The following SORBS3 variants were observed in gnomAD, a reference collection of about 807,000 sequenced individuals.
SORBS3 encodes sorbin and SH3 domain containing 3.
Under a neutral mutation model 98.0 loss-of-function variants are expected in SORBS3, and 69 were observed. The ratio of observed to expected loss-of-function variants is 0.70; its 90% CI spans 0.58 to 0.86. SORBS3 has a LOEUF of 0.86. Ranked by LOEUF, SORBS3 falls within the 40% of genes least tolerant of loss-of-function variation. The pLI, the probability that SORBS3 is intolerant of heterozygous loss-of-function variation, is 0.00. For synonymous variants in SORBS3, 394 were observed against 355.4 expected, an observed-to-expected ratio of 1.11 and a Z score of -1.22; for missense variants, 954 against 908.5, an observed-to-expected ratio of 1.05 and a Z score of -0.64.
intron 5 of SORBS3, chr8:22,560,875 G>GCGCA (rs1554548915): frequency 2.2e-5 from 1 of 46,282 alleles, no homozygotes; most frequent in Admixed American, 2.8e-4. Context: ...GTGTGTGTGC[G>GCGCA]CGCGCGCACG....
At chr8:22,574,560 G>T in intron 20 of SORBS3, 107 bp from the exon 21 acceptor site, 1 of 1,102,382 alleles carries the variant, frequency 9.1e-7, no homozygotes, top group Non-Finnish European at 1.3e-6. Context: ...CTCCCCTACA[G>T]AACTCCCCTA....
At chr8:22,546,987 G>T (rs1213397089), upstream of SORBS3, among the ~76,000 whole-genome samples, 1 of 152,162 alleles carries the variant, frequency 6.6e-6, no homozygotes, top group Non-Finnish European at 1.5e-5. Context: ...ATCCAGCACT[G>T]CCAGGTCCAA....
At chr8:22,569,660 AG>A (rs1840520308) in intron 17 of SORBS3, among the ~76,000 whole-genome samples, 1 of 152,174 alleles carries the variant, frequency 6.6e-6, no homozygotes, top group Non-Finnish European at 1.5e-5. Flanking sequence ...TTTAAAAAAG[AG>A]TCCGATGTAC....
chr8:22,554,972 A>G lies in SORBS3; in HGVS notation c.212A>G (p.Gln71Arg). Residue 71 changes from glutamine (Q) to arginine (R), a missense_variant, in exon 3 of 21, where the codon CAG becomes CGG. Coordinates refer to ENST00000240123, the MANE Select transcript of SORBS3 (RefSeq NM_005775.5). The surrounding 1 kb of genome is among the most constrained non-coding windows in gnomAD (Gnocchi z 6.5). ...GGYTPRRDASQHPDPAWYQTW... is the reference protein window; with the variant it reads ...GGYTPRRDASRHPDPAWYQTW... ...TACACACCAAGACGAGATGCTTCCCAGCACCCGGGTAGGTCTGCTCAGGAG... is the reference window on the plus strand; with the variant it reads ...TACACACCAAGACGAGATGCTTCCCGGCACCCGGGTAGGTCTGCTCAGGAG... The G allele has an allele frequency of 6.2e-7, 1 of 1,613,246 alleles. No individual in the cohort carries two copies. The highest frequency in any genetic ancestry group is 1.1e-5 in the South Asian group (1 of 91,068).
chr8:22,563,447 G>GA (rs890470973), intron 7 of SORBS3, among the ~76,000 whole-genome samples: 2 of 19,952 alleles, frequency 1.0e-4, no homozygotes, highest in Admixed American at 9.8e-4. Flanking sequence ...ACTAGGCCCA[G>GA]GGAGCAGAAA....
rs772545355 is a variant in SORBS3 at position 22,561,873 on chromosome 8, C to T, written c.526C>T (p.His176Tyr). ...TFEEPPRDPR[H>Y]LGAQQRPAHR... ...GTGTACCTCCTCTGCAGACCCCAGG[C>T]ATCTAGGAGCCCAGCAAAGACCTGC... Residue 176 changes from histidine (H) to tyrosine (Y), a missense_variant, in exon 7 of 21, where the codon CAT (histidine) becomes TAT (tyrosine). His to Tyr is a moderately conservative substitution (Grantham distance 83). Transcript: ENST00000240123. The T allele has an allele frequency of 6.2e-7, 1 of 1,614,130 alleles. No homozygotes were observed. The highest frequency in any genetic ancestry group is 8.5e-7 in the Non-Finnish European group (1 of 1,179,956).
At position 22,574,835 on chromosome 8, in the gene SORBS3, TC is replaced by T; in HGVS notation, c.*110del. ...CATCCTCCTTCCCCAGGACCTGAGCTCCCAGCATCTGCAGACGACCCCCGCA... is the reference window on the plus strand; with the variant it reads ...CATCCTCCTTCCCCAGGACCTGAGCTCCAGCATCTGCAGACGACCCCCGCA... On this transcript the variant is annotated 3_prime_UTR_variant, in exon 21 of 21. Coordinates refer to ENST00000240123, the MANE Select transcript of SORBS3 (RefSeq NM_005775.5). 9.0e-7 allele frequency: 1 copy of T among 1,107,376 alleles called. No individual in the cohort carries two copies. The highest frequency in any genetic ancestry group is 1.4e-6 in the Non-Finnish European group (1 of 724,630). 68.6% of individuals were successfully genotyped at this position (1,107,376 alleles called of 1,614,324 possible). A position where few individuals can be genotyped will look rare whatever the true frequency, so the allele number is the denominator to read the frequency against.
In SORBS3 at chr8:22,572,357, A is replaced by C; in HGVS notation, c.1865A>C (p.Gln622Pro). 1 of 1,613,902 alleles carries C rather than the reference A, an allele frequency of 6.2e-7. No individual in the cohort carries two copies. The highest frequency in any genetic ancestry group is 8.5e-7 in the Non-Finnish European group (1 of 1,179,832). Residue 622 changes from glutamine (Q) to proline (P), a missense_variant, in exon 20 of 21, where the codon CAG (glutamine) becomes CCG (proline). Coordinates refer to ENST00000240123, the MANE Select transcript of SORBS3 (RefSeq NM_005775.5). ...IHWTPYRAMY[Q>P]YRPQNEDELE... ...TCTCGCAGGTACCGGGCGATGTACC[A>C]GTACAGGCCCCAGAACGAAGACGAG...
chr8:22,561,492 T>C (rs1217665115), intron 6 of SORBS3, 119 bp downstream of exon 6: 1 of 1,099,230 alleles, frequency 9.1e-7, no homozygotes, highest in Non-Finnish European at 1.4e-6. Context: ...CAGTTCAACC[T>C]GAGAGGTTTT....
intron 6 of SORBS3, chr8:22,561,661 T>C: frequency 1.6e-6 from 1 of 619,946 alleles, no homozygotes; most frequent in Non-Finnish European, 2.9e-6. Context: ...TCGGAGTTGT[T>C]TTGAAGATGT....
At position 22,561,947 on chromosome 8, in the gene SORBS3, CG is replaced by C. The variant is rs1360091548; in HGVS notation, c.584+20del. ...CTTCCAGTGGGTGAGCACAGTGGGGCGGGGCCGAGGGCTGCGGAGGGGCGCG... is the reference window on the plus strand; with the variant it reads ...CTTCCAGTGGGTGAGCACAGTGGGGCGGGCCGAGGGCTGCGGAGGGGCGCG... On this transcript the variant is annotated intron_variant, in intron 7 of 20. Coordinates refer to ENST00000240123, the MANE Select transcript of SORBS3 (RefSeq NM_005775.5). 3 of 1,613,200 alleles carry C rather than the reference CG, an allele frequency of 1.9e-6. No individual in the cohort carries two copies.
Position 22,554,229 on chromosome 8 carries a change from T to C in SORBS3, c.-55-223T>C. The C allele has an allele frequency of 4.1e-6, 1 of 243,552 alleles. No homozygotes were observed. Among genetic ancestry groups the C allele is most frequent in the Non-Finnish European group, 8.0e-6 (1 of 125,344 alleles). 15.1% of individuals were successfully genotyped at this position (243,552 alleles called of 1,614,324 possible). A position where few individuals can be genotyped will look rare whatever the true frequency, so the allele number is the denominator to read the frequency against. On this transcript the variant is annotated intron_variant, in intron 1 of 20. Transcript: ENST00000240123. The surrounding 1 kb of genome is among the most constrained non-coding windows in gnomAD (Gnocchi z 6.5). Reference sequence around the variant, plus strand: ...CCACTCCCACCCGGAGCTCCTGCCCTGGGCCTAACAAGTGGTCCATTGTGC... The same window carrying C: ...CCACTCCCACCCGGAGCTCCTGCCCCGGGCCTAACAAGTGGTCCATTGTGC...
In SORBS3 at chr8:22,556,866, C is replaced by G. The variant is rs758604829; in HGVS notation, c.372C>G (p.Ile124Met). ...RDKRWVKYEG[I>M]GPVDESGMPI... is the part of the protein sequence containing the mutation. ...AGCGCTGGGTCAAGTACGAGGGAAT[C>G]GGGCCCGTGGACGAGAGCGGCATGC... The change falls in exon 4 of 21, where the codon ATC becomes ATG. Residue 124 changes from isoleucine (I) to methionine (M), a missense_variant. Transcript: ENST00000240123. The G allele has an allele frequency of 2.5e-6, 4 of 1,613,362 alleles. No individual in the cohort carries two copies. Among genetic ancestry groups the G allele is most frequent in the Non-Finnish European group, 2.5e-6 (3 of 1,180,028 alleles).
rs1440433302 is a variant in SORBS3 at position 22,554,303 on chromosome 8, G to A, written c.-55-149G>A. 2.7e-6 allele frequency: 2 copies of A among 751,492 alleles called. No homozygotes were observed. Among genetic ancestry groups the A allele is most frequent in the African/African-American group, 3.6e-5 (2 of 55,674 alleles). The allele number at this position is 751,492 out of a possible 1,614,324, so 46.6% of individuals were successfully genotyped here. On this transcript the variant is annotated intron_variant, in intron 1 of 20. Coordinates refer to ENST00000240123, the MANE Select transcript of SORBS3 (RefSeq NM_005775.5). The surrounding 1 kb of genome is among the most constrained non-coding windows in gnomAD (Gnocchi z 6.5). ...CAGCCTGCAGGCGGGTGCCTGGCGT[G>A]GCCTGTTTCCTGGGTCCTTGAGCTA...
chr8:22,551,821 C>T (rs1198575159), upstream of SORBS3: 4 of 985,742 alleles, frequency 4.1e-6, no homozygotes, highest in Non-Finnish European at 4.8e-6. This position sits in a 1 kb window ranked among gnomAD's most constrained non-coding sequence, Gnocchi z 5.8. Flanking sequence ...GTCCGGCCTC[C>T]GGCGCGCGCC....
intron 4 of SORBS3, 74 bp from the exon 5 acceptor site, chr8:22,558,055 G>A: frequency 1.4e-6 from 2 of 1,480,344 alleles, no homozygotes; most frequent in South Asian, 2.3e-5. Context: ...GACTCACTAG[G>A]GAAAGATTTT....
intron 7 of SORBS3, among the ~76,000 whole-genome samples, chr8:22,563,332 C>T (rs1840335064): frequency 6.6e-6 from 1 of 152,166 alleles, no homozygotes; most frequent in South Asian, 2.1e-4. Context: ...GTAAGCCAGC[C>T]AGCAAGGGGC....
Position 22,574,792 on chromosome 8 carries a change from G to A in SORBS3, c.*64G>A. The A allele has an allele frequency of 6.7e-7, 1 of 1,493,258 alleles. No homozygotes were observed. Among genetic ancestry groups the A allele is most frequent in the Non-Finnish European group, 9.3e-7 (1 of 1,070,732 alleles). The allele number at this position is 1,493,258 out of a possible 1,614,324, so 92.5% of individuals were successfully genotyped here. A position where few individuals can be genotyped will look rare whatever the true frequency, so the allele number is the denominator to read the frequency against. Reference sequence around the variant, plus strand: ...TGGGGAGCGGTGGCACTCGTGGGAGGGAGAGGACCCCCGCCCACATCCTCC... The same window carrying A: ...TGGGGAGCGGTGGCACTCGTGGGAGAGAGAGGACCCCCGCCCACATCCTCC... On this transcript the variant is annotated 3_prime_UTR_variant, in exon 21 of 21. Coordinates refer to ENST00000240123, the MANE Select transcript of SORBS3 (RefSeq NM_005775.5).
In SORBS3 at chr8:22,556,700, G is replaced by T. The variant is rs753978017; in HGVS notation, c.221-15G>T. 7 of 1,612,904 alleles carry T rather than the reference G, an allele frequency of 4.3e-6. No individual in the cohort carries two copies. The highest frequency in any genetic ancestry group is 4.2e-6 in the Non-Finnish European group (5 of 1,179,648). ...CCCTGCCTTTCACTAATGCTCTCCT[G>T]CACGCACCCAACAGACCCTGCGTGG... On this transcript the variant is annotated splice_polypyrimidine_tract_variant and intron_variant, in intron 3 of 20. Coordinates refer to ENST00000240123, the MANE Select transcript of SORBS3 (RefSeq NM_005775.5).
Sources: gnomAD v4.1 joint callset for allele counts (sites outside exome capture counted in the v4.1 genomes callset) on GRCh38, gnomAD v4.1.1 for gene constraint, Gnocchi (gnomAD v3.1) non-coding constraint, MANE v1.5 for transcripts, NCBI Gene and HGNC (gene_info 2026-07-23, HGNC 2026-07-21) for gene names.